The following ATRNL1 variants were observed in gnomAD, a reference collection of about 807,000 sequenced individuals.
The protein encoded by ATRNL1 is attractin like 1.
A neutral mutation model predicts 182.7 loss-of-function variants in ATRNL1; 95 were observed. The observed-to-expected ratio is 0.52, with a 90% CI of 0.44 to 0.62. The LOEUF (loss-of-function observed/expected upper bound fraction) is 0.62. Ranked by LOEUF, ATRNL1 falls within the 20% of genes least tolerant of loss-of-function variation. The pLI, the probability that ATRNL1 is intolerant of heterozygous loss-of-function variation, is 0.00. For synonymous variants in ATRNL1, 576 were observed against 568.3 expected (o/e 1.01, Z -0.19); for missense variants, 1,471 against 1,679.5 (o/e 0.88, Z 2.17).
intron 19 of ATRNL1, among the ~76,000 whole-genome samples, chr10:115,360,793 A>G (rs576045755): frequency 3.2e-4 from 49 of 151,540 alleles, no homozygotes; most frequent in African/African-American, 1.1e-3. Flanking sequence ...TAATTTCCCA[A>G]CTCTTTCATT....
chr10:115,192,722 G>A (rs1416138529), intron 8 of ATRNL1, among the ~76,000 whole-genome samples: 1 of 151,684 alleles, frequency 6.6e-6, no homozygotes, highest in Non-Finnish European at 1.5e-5. Context: ...CCGTTTTTTT[G>A]TGTATTCTCT....
chr10:115,625,747 A>C (rs899009700), intron 26 of ATRNL1, among the ~76,000 whole-genome samples: 1 of 152,118 alleles, frequency 6.6e-6, no homozygotes, highest in Non-Finnish European at 1.5e-5. Flanking sequence ...CCATTCATGC[A>C]ATTTAATCAA....
At chr10:115,369,966 GT>G (rs1172805602) in intron 19 of ATRNL1, among the ~76,000 whole-genome samples, 2 of 152,228 alleles carry the variant, frequency 1.3e-5, no homozygotes, top group Non-Finnish European at 2.9e-5. Flanking sequence ...GCCAGGTGTT[GT>G]GGGAGGGATC....
chr10:115,828,344 AAAG>A (rs1950486388), intron 27 of ATRNL1, among the ~76,000 whole-genome samples: 1 of 151,350 alleles, frequency 6.6e-6, no homozygotes, highest in Non-Finnish European at 1.5e-5. Context: ...AAAGAAAAGA[AAAG>A]AAACACCAAG....
Position 115,289,123 on chromosome 10 carries a change from G to A in ATRNL1, c.2415+2726G>A, listed in dbSNP as rs540187015. ...AGTCACATGTTACATGGATGGCAGC[G>A]GGGAAAGAGAGGGAGAGCTTGTGTA... On this transcript the variant is annotated intron_variant, in intron 15 of 28. Coordinates refer to ENST00000355044, the MANE Select transcript of ATRNL1 (RefSeq NM_207303.4). Among the ~76,000 whole-genome samples the A allele has an allele frequency of 2.2e-4, 33 of 152,222 alleles. No homozygotes were observed. In the South Asian group the frequency reaches 5.2e-3, roughly 24 times the overall value.
intron 9 of ATRNL1, among the ~76,000 whole-genome samples, chr10:115,224,244 T>C (rs1554898142): frequency 6.6e-6 from 1 of 151,882 alleles, no homozygotes; most frequent in African/African-American, 2.4e-5. Flanking sequence ...CAAAAAACCC[T>C]AGTATAATTT....
intron 1 of ATRNL1, among the ~76,000 whole-genome samples, chr10:115,103,526 T>G (rs1843871348): frequency 6.6e-6 from 1 of 152,214 alleles, no homozygotes; most frequent in Non-Finnish European, 1.5e-5. Context: ...TAGGTGTATA[T>G]ATTTATGGGA....
At chr10:115,466,412 C>G (rs1244790947) in intron 22 of ATRNL1, among the ~76,000 whole-genome samples, 2 of 151,280 alleles carry the variant, frequency 1.3e-5, no homozygotes, top group Non-Finnish European at 3.0e-5. Flanking sequence ...CCCATTATGA[C>G]TATCATTCTT....
chr10:115,665,002 G>A (rs1425084297), intron 26 of ATRNL1, among the ~76,000 whole-genome samples: 2 of 152,090 alleles, frequency 1.3e-5, no homozygotes, highest in African/African-American at 4.8e-5. Flanking sequence ...TTCAACACAG[G>A]AACATTATCC....
At chr10:115,371,565 G>A (rs1250088682) in intron 19 of ATRNL1, among the ~76,000 whole-genome samples, 3 of 152,170 alleles carry the variant, frequency 2.0e-5, no homozygotes, top group Non-Finnish European at 4.4e-5. Context: ...GGGGCCTGTA[G>A]CCCCTTTGTT....
At chr10:115,199,870 T>C (rs1554891913) in intron 8 of ATRNL1, among the ~76,000 whole-genome samples, 1 of 152,200 alleles carries the variant, frequency 6.6e-6, no homozygotes, top group Admixed American at 6.6e-5. Context: ...AATGCTTCTA[T>C]TCTTTCTACA....
intron 8 of ATRNL1, among the ~76,000 whole-genome samples, chr10:115,176,029 G>T (rs1847492244): frequency 6.6e-6 from 1 of 152,140 alleles, no homozygotes; most frequent in South Asian, 2.1e-4. Context: ...GTATCTCATT[G>T]TGGTTTTGAT....
chr10:115,917,480 A>AAG (rs1354784598), intron 28 of ATRNL1, among the ~76,000 whole-genome samples: 17 of 8,160 alleles, frequency 2.1e-3, no homozygotes, highest in Non-Finnish European at 0.011. Context: ...AAAAAAAAAA[A>AAG]AAAAAGAAAA....
rs561902232 is a variant in ATRNL1 at position 115,096,554 on chromosome 10, C to A, written c.293+2511C>A. Reference sequence around the variant, plus strand: ...AACTGAAGGATAGCAACCTTACAAACAGACATTAAAAATGATTGATCAATC... The same window carrying A: ...AACTGAAGGATAGCAACCTTACAAAAAGACATTAAAAATGATTGATCAATC... On this transcript the variant is annotated intron_variant, in intron 1 of 28. Coordinates refer to ENST00000355044, the MANE Select transcript of ATRNL1 (RefSeq NM_207303.4). 1.7e-5 allele frequency: 12 copies of A among 696,190 alleles called. No homozygotes were observed. In the African/African-American group the frequency reaches 2.2e-4, roughly 13 times the overall value. 43.1% of individuals were successfully genotyped at this position (696,190 alleles called of 1,614,324 possible).
intron 26 of ATRNL1, among the ~76,000 whole-genome samples, chr10:115,592,542 G>T (rs570200710): frequency 2.6e-5 from 4 of 152,022 alleles, no homozygotes; most frequent in African/African-American, 9.7e-5. Context: ...ACTCCACCCC[G>T]CTAAGTCCTA....
At chr10:115,225,578 G>C (rs1402485874) in intron 9 of ATRNL1, among the ~76,000 whole-genome samples, 2 of 149,820 alleles carry the variant, frequency 1.3e-5, no homozygotes, top group African/African-American at 4.9e-5. Context: ...TGTATACCAG[G>C]AACAGTTTAA....
intron 25 of ATRNL1, among the ~76,000 whole-genome samples, chr10:115,524,200 C>T (rs1186755478): frequency 1.3e-5 from 2 of 152,070 alleles, no homozygotes; most frequent in African/African-American, 4.8e-5. Flanking sequence ...CCCCTGTGAC[C>T]CAAACACCTC....
rs1330519486 is a variant in ATRNL1 at position 115,489,689 on chromosome 10, CTG to C, written c.3654+20364_3654+20365del. Among the ~76,000 whole-genome samples the C allele has an allele frequency of 5.9e-5, 9 of 152,276 alleles. No individual in the cohort carries two copies. The East Asian group carries it at 1.7e-3, about 29-fold the overall frequency. On this transcript the variant is annotated intron_variant, in intron 24 of 28. Coordinates refer to ENST00000355044, the MANE Select transcript of ATRNL1 (RefSeq NM_207303.4). ...TCTTGACTCTATCCAATTTGCCAGTCTGTGTCTTTTAATTGGGGCATTTAGCC... is the reference window on the plus strand; with the variant it reads ...TCTTGACTCTATCCAATTTGCCAGTCTGTCTTTTAATTGGGGCATTTAGCC...
rs1399860053 is a variant in ATRNL1, at chr10:115,215,182, A to G, written c.1349-515A>G. On this transcript the variant is annotated intron_variant, in intron 8 of 28. Transcript: ENST00000355044. Reference sequence around the variant, plus strand: ...TTGTCAAGCGAGTCTTGGAAATTTTATTGTTTAGGTTTTCATCCTCTGCAA... The same window carrying G: ...TTGTCAAGCGAGTCTTGGAAATTTTGTTGTTTAGGTTTTCATCCTCTGCAA... Among the ~76,000 whole-genome samples the G allele has an allele frequency of 2.0e-5, 3 of 152,138 alleles. No individual in the cohort carries two copies. The East Asian group carries it at 5.8e-4, about 29-fold the overall frequency.
Sources: gnomAD v4.1 joint callset for allele counts (sites outside exome capture counted in the v4.1 genomes callset) on GRCh38, gnomAD v4.1.1 for gene constraint, MANE v1.5 for transcripts, NCBI Gene and HGNC (gene_info 2026-07-23, HGNC 2026-07-21) for gene names.